The following TSHR variants were observed in gnomAD, a reference collection of about 807,000 sequenced individuals.
TSHR encodes thyrotropin receptor.
In TSHR, 51 loss-of-function variants were observed where a neutral mutation model predicts 64.1. That is an observed-to-expected ratio of 0.80 (90% CI 0.64 to 1.01). The LOEUF (loss-of-function observed/expected upper bound fraction) is 1.01. TSHR is among the 50% of genes least tolerant of loss of function. The probability of loss-of-function intolerance (pLI) is 0.00; values close to 1 mark genes in which losing one functional copy is unlikely to be tolerated. For synonymous variants in TSHR, 361 were observed against 361.9 expected (o/e 1.00, Z 0.03); for missense variants, 877 against 942.8 (o/e 0.93, Z 0.91).
chr14:81,037,417 T>G (rs143030949), intron 1 of TSHR, among the ~76,000 whole-genome samples: 1 of 95,942 alleles, frequency 1.0e-5, no homozygotes, highest in Non-Finnish European at 2.3e-5. Flanking sequence ...ACAAAGGAAA[T>G]ACAAAACAAA....
intron 1 of TSHR, among the ~76,000 whole-genome samples, chr14:80,987,598 T>C (rs1702898718): frequency 6.6e-6 from 1 of 152,240 alleles, no homozygotes; most frequent in Admixed American, 6.5e-5. Flanking sequence ...CACGCAGCTC[T>C]GAAAGCTCTC....
intron 8 of TSHR, among the ~76,000 whole-genome samples, chr14:81,120,045 G>T (rs1183723618): frequency 9.3e-6 from 1 of 107,108 alleles, no homozygotes; most frequent in African/African-American, 3.7e-5. Context: ...GGGGGGAGGG[G>T]GGAGGGATAG....
At chr14:81,115,176 C>T (rs368512520) in intron 8 of TSHR, among the ~76,000 whole-genome samples, 13 of 150,714 alleles carry the variant, frequency 8.6e-5, no homozygotes, top group South Asian at 2.1e-4. Context: ...CAAAGCTGGA[C>T]GGAGAATGAC....
intron 3 of TSHR, among the ~76,000 whole-genome samples, chr14:81,075,063 T>C (rs770624099): frequency 1.7e-4 from 26 of 152,252 alleles, no homozygotes; most frequent in Non-Finnish European, 3.4e-4. Flanking sequence ...AACTATAACC[T>C]AACTGGATAT....
At chr14:81,074,691 C>A (rs781778061) in intron 3 of TSHR, among the ~76,000 whole-genome samples, 6 of 152,166 alleles carry the variant, frequency 3.9e-5, no homozygotes, top group Non-Finnish European at 7.4e-5. Context: ...TTTCAAATGC[C>A]AATGCATATT....
At chr14:81,018,045 G>T (rs762714017) in intron 1 of TSHR, among the ~76,000 whole-genome samples, 1 of 151,888 alleles carries the variant, frequency 6.6e-6, no homozygotes, top group Non-Finnish European at 1.5e-5. Context: ...TGGCCAGGCT[G>T]GTCTCGAACT....
chr14:80,985,088 A>C (rs1449940947), intron 1 of TSHR, among the ~76,000 whole-genome samples: 1 of 152,100 alleles, frequency 6.6e-6, no homozygotes, highest in Non-Finnish European at 1.5e-5. Flanking sequence ...GTCTCTACTA[A>C]AAATACAAAA....
intron 8 of TSHR, among the ~76,000 whole-genome samples, chr14:81,114,533 C>T (rs1306805901): frequency 6.6e-6 from 1 of 152,152 alleles, no homozygotes; most frequent in South Asian, 2.1e-4. Context: ...GGTCCTACGC[C>T]CACGGAGTCT....
At chr14:80,966,875 C>T (rs1403574158) in intron 1 of TSHR, among the ~76,000 whole-genome samples, 2 of 152,120 alleles carry the variant, frequency 1.3e-5, no homozygotes, top group Admixed American at 1.3e-4. Flanking sequence ...ACTTGACCAC[C>T]TTCTCATTGT....
intron 1 of TSHR, among the ~76,000 whole-genome samples, chr14:81,036,342 A>T (rs1432883818): frequency 3.3e-5 from 5 of 152,224 alleles, no homozygotes; most frequent in African/African-American, 9.6e-5. Flanking sequence ...GTGAGAGAAG[A>T]GAATCAAGTT....
intron 3 of TSHR, among the ~76,000 whole-genome samples, chr14:81,073,522 T>A (rs1247225776): frequency 6.6e-6 from 1 of 152,166 alleles, no homozygotes; most frequent in African/African-American, 2.4e-5. Flanking sequence ...AAAATCACCA[T>A]GTTCTCTAAC....
At position 81,063,050 on chromosome 14, in the gene TSHR, C is replaced by T. The variant is rs550215562; in HGVS notation, c.242+831C>T. Among the ~76,000 whole-genome samples the T allele has an allele frequency of 1.6e-4, 25 of 152,178 alleles. No homozygotes were observed. In the South Asian group the frequency reaches 3.7e-3, roughly 23 times the overall value. ...AGTGGGTAAAAGTGAAGGTTGCTGC[C>T]GAACATTCTACAGTTCATAGGACAG... On this transcript the variant is annotated intron_variant, in intron 2 of 9. Coordinates refer to ENST00000298171, the MANE Select transcript of TSHR (RefSeq NM_000369.5).
In TSHR at chr14:80,955,775, A is replaced by G; in HGVS notation, c.95A>G (p.His32Arg). The change falls in exon 1 of 10, where the codon CAT becomes CGT. Residue 32 changes from histidine (H) to arginine (R), a missense_variant. His to Arg is a conservative substitution (Grantham distance 29). Transcript: ENST00000298171. ...MGCSSPPCEC[H>R]QEEDFRVTCK... ...TGTTCGTCTCCACCCTGCGAGTGCC[A>G]TCAGGAGGAGGACTTCAGAGTCACC... 6.2e-7 allele frequency: 1 copy of G among 1,614,232 alleles called. No individual in the cohort carries two copies. The highest frequency in any genetic ancestry group is 8.5e-7 in the Non-Finnish European group (1 of 1,180,050).
In TSHR at chr14:80,980,168, C is replaced by T. The variant is rs184268680; in HGVS notation, c.170+24318C>T. 9.2e-4 allele frequency among the ~76,000 whole-genome samples: 140 copies of T among 152,264 alleles called. 2 individuals carry two copies. In the East Asian group the frequency reaches 0.022, roughly 24 times the overall value. ...ACTATTTTTACATCCTAGAATGTGT[C>T]ATTCACTCTGCTGCTCTTATTGCTT... On this transcript the variant is annotated intron_variant, in intron 1 of 9. Transcript: ENST00000298171.
intron 3 of TSHR, among the ~76,000 whole-genome samples, chr14:81,086,161 T>C (rs944595894): frequency 1.3e-5 from 2 of 152,238 alleles, no homozygotes; most frequent in African/African-American, 4.8e-5. Flanking sequence ...TGTTGAAGCA[T>C]TGATGGTTCT....
At chr14:81,034,973 T>C (rs1460939820) in intron 1 of TSHR, among the ~76,000 whole-genome samples, 2 of 152,050 alleles carry the variant, frequency 1.3e-5, no homozygotes, top group Admixed American at 1.3e-4. Flanking sequence ...CAAACATATG[T>C]GCTTCAGCTC....
rs1234818212 is a variant in TSHR, at chr14:80,965,607, C to T, written c.170+9757C>T. On this transcript the variant is annotated intron_variant, in intron 1 of 9. Transcript: ENST00000298171. ...TGAAGCTGGTCAACATACTTAATTACTCTCTTTCATTACATTAATTAAAAA... is the reference window on the plus strand; with the variant it reads ...TGAAGCTGGTCAACATACTTAATTATTCTCTTTCATTACATTAATTAAAAA... Among the ~76,000 whole-genome samples, 4 of 152,154 alleles carry T rather than the reference C, an allele frequency of 2.6e-5. No homozygotes were observed. The East Asian group carries it at 5.8e-4, about 22-fold the overall frequency.
intron 1 of TSHR, among the ~76,000 whole-genome samples, chr14:81,004,231 G>A (rs1469486629): frequency 1.3e-5 from 2 of 152,110 alleles, no homozygotes; most frequent in Non-Finnish European, 2.9e-5. Context: ...TCAATAGATA[G>A]CACTTCAGAG....
chr14:81,068,269 T>A lies in TSHR; in HGVS notation c.258T>A (p.Asp86Glu), dbSNP rs769501905. The change falls in exon 3 of 10, where the codon GAT (aspartate) becomes GAA (glutamate). Residue 86 changes from aspartate (D) to glutamate (E), a missense_variant. Coordinates refer to ENST00000298171, the MANE Select transcript of TSHR (RefSeq NM_000369.5). ...PNISRIYVSI[D>E]VTLQQLESHS... is the part of the protein sequence containing the mutation. ...TGACATTCAGCTACGTATCTATAGA[T>A]GTGACTCTGCAGCAGCTGGAATCAC... The A allele has an allele frequency of 6.2e-7, 1 of 1,613,152 alleles. No homozygotes were observed. The highest frequency in any genetic ancestry group is 1.3e-5 in the African/African-American group (1 of 74,994).
Sources: gnomAD v4.1 joint callset for allele counts (sites outside exome capture counted in the v4.1 genomes callset) on GRCh38, gnomAD v4.1.1 for gene constraint, MANE v1.5 for transcripts, NCBI Gene and HGNC (gene_info 2026-07-23, HGNC 2026-07-21) for gene names.